The following TRIQK variants were observed in gnomAD, a reference collection of about 807,000 sequenced individuals.
TRIQK encodes the protein triple QxxK/R motif containing.
TRIQK carries 10 observed loss-of-function variants against 10.8 expected under a neutral mutation model. That is an observed-to-expected ratio of 0.92 (90% confidence interval 0.57 to 1.57). The LOEUF (loss-of-function observed/expected upper bound fraction) is 1.57, where lower values mean the gene tolerates loss of function less well. Among genes scored for constraint, TRIQK ranks in the 40% most tolerant of loss-of-function variants. The pLI, the probability that TRIQK is intolerant of heterozygous loss-of-function variation, is 0.00. For missense variants in TRIQK, 107 were observed against 97.7 expected (o/e 1.09, Z -0.40); for synonymous variants, 33 against 33.7 (o/e 0.98, Z 0.07).
chr8:92,896,685 G>A (rs1440350278), intron 3 of TRIQK, among the ~76,000 whole-genome samples: 1 of 152,166 alleles, frequency 6.6e-6, no homozygotes, highest in Non-Finnish European at 1.5e-5. Flanking sequence ...CCAGCTTTAA[G>A]ATTTAATGTT....
chr8:92,947,911 C>A (rs1363631339), intron 2 of TRIQK, among the ~76,000 whole-genome samples: 2 of 152,112 alleles, frequency 1.3e-5, no homozygotes, highest in Non-Finnish European at 2.9e-5. Flanking sequence ...ATGGCATCTT[C>A]TATTTTAAAA....
chr8:92,938,155 T>G (rs939707746), intron 2 of TRIQK, among the ~76,000 whole-genome samples: 3 of 152,042 alleles, frequency 2.0e-5, no homozygotes, highest in African/African-American at 4.8e-5. Flanking sequence ...GTCACAACTA[T>G]TCTTACAGTA....
chr8:92,903,839 C>A (rs557626073), intron 3 of TRIQK, among the ~76,000 whole-genome samples: 1 of 152,118 alleles, frequency 6.6e-6, no homozygotes, highest in Admixed American at 6.5e-5. Context: ...TTATCCCAAA[C>A]CTTGTGTAAA....
At chr8:92,966,884 A>G (rs1042833572), upstream of TRIQK, among the ~76,000 whole-genome samples, 2 of 147,198 alleles carry the variant, frequency 1.4e-5, no homozygotes, top group Admixed American at 7.2e-5. Flanking sequence ...TGCAACCTCC[A>G]ATTTAATTTT....
chr8:92,932,396 AC>A (rs1337515235), intron 2 of TRIQK, among the ~76,000 whole-genome samples: 1 of 152,120 alleles, frequency 6.6e-6, no homozygotes, highest in Non-Finnish European at 1.5e-5. Context: ...GTTTGTTTTA[AC>A]TAAACTGACC....
intron 1 of TRIQK, among the ~76,000 whole-genome samples, chr8:92,988,138 G>A (rs1000484517): frequency 2.7e-5 from 4 of 150,220 alleles, no homozygotes; most frequent in African/African-American, 4.9e-5. Flanking sequence ...AGCCTCCTGA[G>A]TAGCTGGGAC....
chr8:92,934,554 G>A (rs1810889998), intron 2 of TRIQK, among the ~76,000 whole-genome samples: 1 of 151,800 alleles, frequency 6.6e-6, no homozygotes, highest in African/African-American at 2.4e-5. Flanking sequence ...TCAAAATGCT[G>A]TATGACTTAT....
intron 1 of TRIQK, among the ~76,000 whole-genome samples, chr8:93,015,007 G>T (rs1321729397): frequency 2.0e-5 from 3 of 152,000 alleles, no homozygotes; most frequent in Non-Finnish European, 4.4e-5. Context: ...CTCAAGAAGA[G>T]TGAGCTATTT....
chr8:92,966,750 A>C (rs1812765010), upstream of TRIQK, among the ~76,000 whole-genome samples: 1 of 152,178 alleles, frequency 6.6e-6, no homozygotes, highest in East Asian at 1.9e-4. Flanking sequence ...TCCACAGCCT[A>C]TGGACAATGA....
chr8:92,986,541 A>G (rs893167482), intron 1 of TRIQK, among the ~76,000 whole-genome samples: 1 of 152,164 alleles, frequency 6.6e-6, no homozygotes, highest in Non-Finnish European at 1.5e-5. Flanking sequence ...TTTAATGACA[A>G]TACACCTTTA....
chr8:92,914,850 C>T (rs1809745694), intron 3 of TRIQK, among the ~76,000 whole-genome samples: 1 of 152,068 alleles, frequency 6.6e-6, no homozygotes, highest in Admixed American at 6.6e-5. Flanking sequence ...CTATATGACC[C>T]AGCAATCTCT....
At chr8:92,979,924 C>G (rs1812969521) in intron 1 of TRIQK, among the ~76,000 whole-genome samples, 1 of 152,060 alleles carries the variant, frequency 6.6e-6, no homozygotes, top group African/African-American at 2.4e-5. Context: ...AGAGTTGCTT[C>G]TTCCCTTTAA....
At chr8:92,917,365 C>T (rs746939879) in intron 2 of TRIQK, among the ~76,000 whole-genome samples, 4 of 151,772 alleles carry the variant, frequency 2.6e-5, no homozygotes, top group Non-Finnish European at 4.4e-5. Context: ...TGCTTATTTC[C>T]AAGTATATAT....
chr8:92,928,744 C>G (rs1810568776), intron 2 of TRIQK, among the ~76,000 whole-genome samples: 1 of 152,152 alleles, frequency 6.6e-6, no homozygotes, highest in Non-Finnish European at 1.5e-5. Flanking sequence ...TCTGGTGGAC[C>G]AGCAAGGCCT....
chr8:93,011,680 A>G (rs1813338132), intron 1 of TRIQK, among the ~76,000 whole-genome samples: 1 of 152,202 alleles, frequency 6.6e-6, no homozygotes, highest in Non-Finnish European at 1.5e-5. Flanking sequence ...GAAGAAGAAC[A>G]TCATCAAATA....
At chr8:92,985,796 G>A (rs1024305888) in intron 1 of TRIQK, among the ~76,000 whole-genome samples, 1 of 152,108 alleles carries the variant, frequency 6.6e-6, no homozygotes, top group Admixed American at 6.6e-5. Context: ...AATAAGATCA[G>A]ATATGATAGA....
At chr8:93,007,392 G>T (rs991556288) in intron 1 of TRIQK, among the ~76,000 whole-genome samples, 1 of 152,156 alleles carries the variant, frequency 6.6e-6, no homozygotes, top group Non-Finnish European at 1.5e-5. Flanking sequence ...CAGCCTCAAA[G>T]ATCAAAGCTA....
intron 2 of TRIQK, among the ~76,000 whole-genome samples, chr8:92,949,882 GAGGA>G (rs1360992620): frequency 7.3e-6 from 1 of 136,168 alleles, no homozygotes; most frequent in Non-Finnish European, 1.6e-5. Flanking sequence ...GGGAGGGAGG[GAGGA>G]AGGAAGGAAA....
chr8:92,912,202 G>T lies in TRIQK; in HGVS notation c.61+4727C>A, dbSNP rs1809607182. On this transcript the variant is annotated intron_variant, in intron 3 of 4. Coordinates refer to ENST00000521988, the MANE Select transcript of TRIQK (RefSeq NM_001171797.2). Reference sequence around the variant, plus strand: ...ACAAAGTAAGTTTTAACAGATTTAAGAAGACTGAAATTACTCCAAGTATCT... The same window carrying T: ...ACAAAGTAAGTTTTAACAGATTTAATAAGACTGAAATTACTCCAAGTATCT... Among the ~76,000 whole-genome samples, 3 of 151,552 alleles carry T rather than the reference G, an allele frequency of 2.0e-5. No individual in the cohort carries two copies. The South Asian group carries it at 6.2e-4, about 31-fold the overall frequency.
Sources: gnomAD v4.1 joint callset for allele counts (sites outside exome capture counted in the v4.1 genomes callset) on GRCh38, gnomAD v4.1.1 for gene constraint, MANE v1.5 for transcripts, NCBI Gene and HGNC (gene_info 2026-07-23, HGNC 2026-07-21) for gene names.